Variants in TBC1D1 observed in about 807,000 individuals in gnomAD.
TBC1D1 encodes the protein TBC1 (tre-2/USP6, BUB2, cdc16) domain family, member 1.
A neutral mutation model predicts 125.6 loss-of-function variants in TBC1D1; 89 were observed. The observed-to-expected ratio is 0.71, with a 90% confidence interval of 0.60 to 0.85. TBC1D1 has a LOEUF of 0.85. Ranked by LOEUF, TBC1D1 falls within the 40% of genes least tolerant of loss-of-function variation. The probability of loss-of-function intolerance (pLI) is 0.00; values close to 1 mark genes in which losing one functional copy is unlikely to be tolerated. For missense variants in TBC1D1, 1,377 were observed against 1,469.2 expected, an observed-to-expected ratio of 0.94 and a Z score of 1.03; for synonymous variants, 565 against 564.1, an observed-to-expected ratio of 1.00 and a Z score of -0.02.
chr4:38,044,363 C>A lies in TBC1D1; in HGVS notation c.1415C>A (p.Thr472Lys). 6.3e-7 allele frequency: 1 copy of A among 1,596,630 alleles called. No individual in the cohort carries two copies. Among genetic ancestry groups the A allele is most frequent in the East Asian group, 2.2e-5 (1 of 44,732 alleles). The stretch of plus-strand genomic sequence containing the variant: ...ACTTTTCGTTTTTCACTTTTTTAGA[C>A]ATCGCAGATGGCAGCAGAGAATATT... Residue 472 changes from threonine (T) to lysine (K), a missense_variant and splice_region_variant, in exon 9 of 20, where the codon ACA becomes AAA. Around this residue, in one of 3 missense-constraint regions of TBC1D1, gnomAD observed 822 missense variants for 824.6 expected, o/e 1.00. Transcript: ENST00000261439.
chr4:38,013,522 C>T (rs1188960553), intron 2 of TBC1D1, among the ~76,000 whole-genome samples: 5 of 152,068 alleles, frequency 3.3e-5, no homozygotes, highest in Admixed American at 2.0e-4. Context: ...AAAGTAGGCC[C>T]TTTTGAAGAT....
chr4:38,098,223 T>C (rs1270917152), intron 14 of TBC1D1, among the ~76,000 whole-genome samples: 1 of 152,232 alleles, frequency 6.6e-6, no homozygotes, highest in Non-Finnish European at 1.5e-5. Flanking sequence ...CCTGTACTTT[T>C]TCTTGAGGTT....
intron 7 of TBC1D1, among the ~76,000 whole-genome samples, chr4:38,034,268 C>G (rs1746779556): frequency 6.6e-6 from 1 of 152,228 alleles, no homozygotes; most frequent in South Asian, 2.1e-4. Context: ...GAGAAATCCA[C>G]TTTTTGCATA....
chr4:37,938,665 A>G (rs1724903489), intron 2 of TBC1D1, among the ~76,000 whole-genome samples: 1 of 152,098 alleles, frequency 6.6e-6, no homozygotes, highest in Non-Finnish European at 1.5e-5. Context: ...ATATCTCCTA[A>G]TGCTATGCCT....
intron 12 of TBC1D1, among the ~76,000 whole-genome samples, chr4:38,055,835 G>A (rs1751604423): frequency 1.3e-5 from 2 of 152,146 alleles, no homozygotes; most frequent in African/African-American, 4.8e-5. Flanking sequence ...AGGGTGTGGA[G>A]TGGAGCAGTG....
intron 2 of TBC1D1, among the ~76,000 whole-genome samples, chr4:37,908,528 G>A (rs1717849217): frequency 6.6e-6 from 1 of 152,044 alleles, no homozygotes; most frequent in African/African-American, 2.4e-5. Context: ...TTTTTAACTG[G>A]CATTTCTTAT....
At position 37,892,173 on chromosome 4, in the gene TBC1D1, C is replaced by A. The variant is rs886139802; in HGVS notation, c.-94+825C>A. On this transcript the variant is annotated intron_variant, in intron 1 of 19. Transcript: ENST00000261439. ...GATTTCATTTATTAATAAAATCAGA[C>A]TTTGAAAGAGCATTTAAAAATGACC... 3.9e-5 allele frequency among the ~76,000 whole-genome samples: 6 copies of A among 152,136 alleles called. 1 individual carries two copies. The South Asian group carries it at 8.3e-4, about 21-fold the overall frequency.
chr4:37,997,667 A>G (rs919057472), intron 2 of TBC1D1, among the ~76,000 whole-genome samples: 3 of 152,192 alleles, frequency 2.0e-5, no homozygotes, highest in Non-Finnish European at 4.4e-5. Flanking sequence ...CCACCCAGAG[A>G]CCACCACACG....
intron 12 of TBC1D1, among the ~76,000 whole-genome samples, chr4:38,074,057 T>G (rs1250234626): frequency 6.6e-6 from 1 of 152,192 alleles, no homozygotes; most frequent in Non-Finnish European, 1.5e-5. Context: ...TTGCTTCAGC[T>G]TTTTGGCAAA....
intron 16 of TBC1D1, 63 bp downstream of exon 18, chr4:38,116,017 C>T (rs1762931387): frequency 3.2e-6 from 5 of 1,567,628 alleles, no homozygotes; most frequent in Non-Finnish European, 1.7e-6. Flanking sequence ...TATCCCTCTC[C>T]AGATGTGCCT....
At chr4:37,979,738 G>T (rs568412683) in intron 2 of TBC1D1, among the ~76,000 whole-genome samples, 85 of 152,296 alleles carry the variant, frequency 5.6e-4, no homozygotes, top group African/African-American at 2.0e-3. Flanking sequence ...GAAGGGGTGG[G>T]TGTCGGTTGA....
At chr4:38,054,402 C>T (rs1401690920) in intron 12 of TBC1D1, 64 bp downstream of exon 14, 7 of 1,601,110 alleles carry the variant, frequency 4.4e-6, no homozygotes, top group Admixed American at 3.4e-5. Context: ...CTGGGAGCCC[C>T]ATCATATTGG....
At chr4:38,126,602 A>G (rs1426539442) in intron 18 of TBC1D1, among the ~76,000 whole-genome samples, 1 of 152,110 alleles carries the variant, frequency 6.6e-6, no homozygotes, top group Non-Finnish European at 1.5e-5. Context: ...TCTGTTCTGC[A>G]CTCATCTTTA....
intron 12 of TBC1D1, among the ~76,000 whole-genome samples, chr4:38,059,928 A>G (rs1318518367): frequency 1.3e-5 from 2 of 151,976 alleles, no homozygotes; most frequent in Non-Finnish European, 2.9e-5. Flanking sequence ...TCCTATGTCC[A>G]TGTGTTCTCA....
chr4:37,908,003 A>T (rs751883480), intron 2 of TBC1D1, among the ~76,000 whole-genome samples: 4 of 152,208 alleles, frequency 2.6e-5, no homozygotes, highest in Non-Finnish European at 5.9e-5. Flanking sequence ...AGGAGCAGGT[A>T]GCAGAAGTGT....
chr4:38,028,192 G>A (rs542236847), intron 7 of TBC1D1, among the ~76,000 whole-genome samples: 5 of 152,092 alleles, frequency 3.3e-5, no homozygotes, highest in Admixed American at 6.5e-5. Flanking sequence ...TTTTGACAGA[G>A]TCTTGCTCTG....
At chr4:37,950,134 C>T (rs1368289472) in intron 2 of TBC1D1, among the ~76,000 whole-genome samples, 2 of 152,110 alleles carry the variant, frequency 1.3e-5, no homozygotes, top group Non-Finnish European at 2.9e-5. Flanking sequence ...CAGGACAATA[C>T]GATATTACAC....
chr4:37,963,055 A>G (rs1730358017), intron 2 of TBC1D1, among the ~76,000 whole-genome samples: 1 of 152,220 alleles, frequency 6.6e-6, no homozygotes, highest in African/African-American at 2.4e-5. Flanking sequence ...ACATGAAACC[A>G]TTAAGAAAAT....
intron 12 of TBC1D1, chr4:38,060,576 G>GTAAGC (rs1752573835): frequency 1.6e-6 from 2 of 1,262,908 alleles, no homozygotes. Flanking sequence ...TGAGTAAAGG[G>GTAAGC]TAAGGATGCT....
Sources: gnomAD v4.1 joint callset for allele counts (sites outside exome capture counted in the v4.1 genomes callset) on GRCh38, gnomAD v4.1.1 for gene constraint, gnomAD v4.1.1 regional missense constraint, MANE v1.5 for transcripts, NCBI Gene and HGNC (gene_info 2026-07-23, HGNC 2026-07-21) for gene names.